The following ASTN2 variants were observed in gnomAD, a reference collection of about 807,000 sequenced individuals.
ASTN2 encodes astrotactin 2.
A neutral mutation model predicts 139.8 loss-of-function variants in ASTN2; 54 were observed. That is an observed-to-expected ratio of 0.39 (90% confidence interval 0.31 to 0.48). The LOEUF is 0.48. Among genes scored for constraint, ASTN2 ranks in the 20% least tolerant of loss-of-function variants. The pLI is 0.95. For missense variants in ASTN2, 1,565 were observed against 1,725.1 expected, an observed-to-expected ratio of 0.91 and a Z score of 1.64; for synonymous variants, 756 against 719.5, an observed-to-expected ratio of 1.05 and a Z score of -0.81.
intron 1 of ASTN2, among the ~76,000 whole-genome samples, chr9:117,322,220 A>T (rs1828350092): frequency 6.6e-6 from 1 of 152,140 alleles, no homozygotes; most frequent in Non-Finnish European, 1.5e-5. Flanking sequence ...CCCTTATCAC[A>T]TTATGGTTAT....
intron 16 of ASTN2, among the ~76,000 whole-genome samples, chr9:116,713,664 G>A (rs1179366801): frequency 6.6e-6 from 1 of 152,194 alleles, no homozygotes; most frequent in Non-Finnish European, 1.5e-5. Context: ...AATGGTAAGA[G>A]AATCGGAGCA....
In ASTN2 at chr9:117,414,484, C is replaced by T. The variant is rs768338140; in HGVS notation, c.442+13G>A. 61 of 1,607,540 alleles carry T rather than the reference C, an allele frequency of 3.8e-5. No homozygotes were observed. The highest frequency in any genetic ancestry group is 4.4e-5 in the Non-Finnish European group (52 of 1,177,494). ...TTCCTTGGGATCTAGCGCGTGCCGGCGCCCAGCCTTACCCAGGGTGAAGAA... is the reference window on the plus strand; with the variant it reads ...TTCCTTGGGATCTAGCGCGTGCCGGTGCCCAGCCTTACCCAGGGTGAAGAA... On this transcript the variant is annotated intron_variant, in intron 1 of 22. Coordinates refer to ENST00000313400, the MANE Select transcript of ASTN2 (RefSeq NM_001365068.1). This position sits in a 1 kb window ranked among gnomAD's most constrained non-coding sequence, Gnocchi z 4.2.
chr9:117,009,296 G>A (rs560660593), intron 6 of ASTN2, among the ~76,000 whole-genome samples: 1 of 152,108 alleles, frequency 6.6e-6, no homozygotes, highest in African/African-American at 2.4e-5. Flanking sequence ...CCACATATAT[G>A]TGGAAACATA....
At chr9:117,201,479 G>T (rs943724811) in intron 3 of ASTN2, among the ~76,000 whole-genome samples, 6 of 151,996 alleles carry the variant, frequency 3.9e-5, no homozygotes, top group African/African-American at 1.5e-4. Context: ...GGCATTTAGT[G>T]CTATAAATTT....
intron 12 of ASTN2, among the ~76,000 whole-genome samples, chr9:116,816,506 C>G (rs1831333629): frequency 6.6e-6 from 1 of 152,132 alleles, no homozygotes; most frequent in South Asian, 2.1e-4. Context: ...AATAAAAGAC[C>G]AGGCACAGAG....
intron 10 of ASTN2, among the ~76,000 whole-genome samples, chr9:116,883,481 T>A (rs1448444496): frequency 1.3e-5 from 2 of 152,178 alleles, no homozygotes; most frequent in East Asian, 3.9e-4. Flanking sequence ...TTTGCGGAAA[T>A]TCACATCCCT....
chr9:117,137,839 T>C (rs1028752073), intron 4 of ASTN2, among the ~76,000 whole-genome samples: 1 of 152,160 alleles, frequency 6.6e-6, no homozygotes, highest in African/African-American at 2.4e-5. Context: ...TATCCCATGG[T>C]AGCAGCAAAA....
At chr9:116,733,131 C>A (rs1350730071) in intron 14 of ASTN2, among the ~76,000 whole-genome samples, 1 of 152,216 alleles carries the variant, frequency 6.6e-6, no homozygotes, top group African/African-American at 2.4e-5. Flanking sequence ...GCAAAACTCT[C>A]ACTGAGAAAA....
chr9:117,248,388 T>C (rs1008240983), intron 2 of ASTN2, among the ~76,000 whole-genome samples: 2 of 152,088 alleles, frequency 1.3e-5, no homozygotes, highest in Non-Finnish European at 2.9e-5. Context: ...TTAGAGGAAA[T>C]AGAATGAGGA....
intron 6 of ASTN2, among the ~76,000 whole-genome samples, chr9:117,028,654 T>C (rs1298229047): frequency 1.3e-5 from 2 of 152,112 alleles, no homozygotes; most frequent in Admixed American, 6.5e-5. Context: ...ATGTGATCCT[T>C]CTAAGCTGTC....
intron 19 of ASTN2, among the ~76,000 whole-genome samples, chr9:116,576,518 G>A (rs181394496): frequency 1.3e-5 from 2 of 152,246 alleles, no homozygotes; most frequent in Admixed American, 1.3e-4. Context: ...GGGTAGGAGG[G>A]GATGATCCTA....
At chr9:117,177,607 C>T (rs1044257583) in intron 3 of ASTN2, among the ~76,000 whole-genome samples, 2 of 152,138 alleles carry the variant, frequency 1.3e-5, no homozygotes, top group Admixed American at 1.3e-4. Context: ...TTTTAAAAAT[C>T]CTACTCTAGA....
chr9:117,121,694 C>T (rs1056418088), intron 4 of ASTN2, among the ~76,000 whole-genome samples: 3 of 152,288 alleles, frequency 2.0e-5, no homozygotes, highest in Non-Finnish European at 4.4e-5. Context: ...ATATCTGAGA[C>T]GGACTAATTC....
At chr9:117,020,006 G>C (rs1366082479) in intron 6 of ASTN2, among the ~76,000 whole-genome samples, 4 of 50,668 alleles carry the variant, frequency 7.9e-5, no homozygotes, top group Non-Finnish European at 1.4e-4. Flanking sequence ...GGGTTTCTGT[G>C]TGTGTGTGTG....
rs533368135 is a variant in ASTN2 at position 116,581,594 on chromosome 9, T to C, written c.3355+36730A>G. On this transcript the variant is annotated intron_variant, in intron 19 of 22. Transcript: ENST00000313400. Reference sequence around the variant, plus strand: ...CTTAGTTCTGGTCCTCATATCCAATTGTCTTGCCACTTTGCACTGACATAT... The same window carrying C: ...CTTAGTTCTGGTCCTCATATCCAATCGTCTTGCCACTTTGCACTGACATAT... Among the ~76,000 whole-genome samples the C allele has an allele frequency of 9.8e-5, 15 of 152,328 alleles. 1 individual carries two copies. The South Asian group carries it at 2.9e-3, about 29-fold the overall frequency.
At chr9:116,989,586 G>GTTTT (rs56128640) in intron 7 of ASTN2, among the ~76,000 whole-genome samples, 15 of 137,288 alleles carry the variant, frequency 1.1e-4, no homozygotes, top group African/African-American at 3.3e-4. Flanking sequence ...TTATATTTGG[G>GTTTT]TTTTTTTTTT....
chr9:116,986,798 G>A (rs901702667), intron 7 of ASTN2, among the ~76,000 whole-genome samples: 1 of 152,206 alleles, frequency 6.6e-6, no homozygotes, highest in Non-Finnish European at 1.5e-5. Flanking sequence ...CTTCAGAGAT[G>A]GTTCTGCTGT....
At position 116,539,517 on chromosome 9, in the gene ASTN2, A is replaced by G. The variant is rs561001993; in HGVS notation, c.3356-52017T>C. Among the ~76,000 whole-genome samples the G allele has an allele frequency of 1.2e-4, 19 of 152,356 alleles. No homozygotes were observed. The South Asian group carries it at 3.9e-3, about 32-fold the overall frequency. ...AGACACTGAATGCAAAGTTTTATGA[A>G]CATTTGAACACTTATTTTGTTTATA... On this transcript the variant is annotated intron_variant, in intron 19 of 22. Coordinates refer to ENST00000313400, the MANE Select transcript of ASTN2 (RefSeq NM_001365068.1).
At chr9:116,427,840 C>A (rs10983151) in intron 22 of ASTN2, among the ~76,000 whole-genome samples, 36 of 152,238 alleles carry the variant, frequency 2.4e-4, no homozygotes, top group African/African-American at 3.6e-4. Flanking sequence ...AGTGCCCCCC[C>A]CAAGAGGAGC....
Sources: gnomAD v4.1 joint callset for allele counts (sites outside exome capture counted in the v4.1 genomes callset) on GRCh38, gnomAD v4.1.1 for gene constraint, Gnocchi (gnomAD v3.1) non-coding constraint, MANE v1.5 for transcripts, NCBI Gene and HGNC (gene_info 2026-07-23, HGNC 2026-07-21) for gene names.